The following CREB3L2 variants were observed in gnomAD, a reference collection of about 807,000 sequenced individuals.
CREB3L2 encodes the protein cyclic AMP-responsive element-binding protein 3-like protein 2.
Under a neutral mutation model 57.2 loss-of-function variants are expected in CREB3L2, and 23 were observed. The observed-to-expected ratio is 0.40, with a 90% CI of 0.29 to 0.57. The LOEUF is 0.57. CREB3L2 is among the 20% of genes least tolerant of loss of function. The pLI is 0.42. For synonymous variants in CREB3L2, 268 were observed against 265.1 expected, an observed-to-expected ratio of 1.01 and a Z score of -0.11; for missense variants, 628 against 634.7, an observed-to-expected ratio of 0.99 and a Z score of 0.11.
At chr7:137,956,912 A>G (rs961525356) in intron 1 of CREB3L2, among the ~76,000 whole-genome samples, 2 of 152,240 alleles carry the variant, frequency 1.3e-5, no homozygotes, top group Admixed American at 6.5e-5. Flanking sequence ...CCAGTAGTGA[A>G]GAGCTACTTT....
chr7:137,955,163 T>G, intron 1 of CREB3L2: 1 of 578,832 alleles, frequency 1.7e-6, no homozygotes, highest in South Asian at 1.5e-5. Context: ...TGGTTACAGA[T>G]ACGCTACTAC....
At chr7:137,937,123 T>C (rs1054033167) in intron 1 of CREB3L2, among the ~76,000 whole-genome samples, 6 of 152,182 alleles carry the variant, frequency 3.9e-5, no homozygotes, top group Non-Finnish European at 8.8e-5. Flanking sequence ...AGCCAGTCTC[T>C]GGCTGAAAAG....
chr7:137,912,214 T>C (rs555613694), intron 4 of CREB3L2, among the ~76,000 whole-genome samples: 1 of 151,920 alleles, frequency 6.6e-6, no homozygotes, highest in Admixed American at 6.5e-5. Flanking sequence ...TCGTCTCTAC[T>C]AAAAATACCA....
intron 4 of CREB3L2, among the ~76,000 whole-genome samples, chr7:137,911,637 A>G (rs184643187): frequency 6.6e-6 from 1 of 152,340 alleles, no homozygotes; most frequent in African/African-American, 2.4e-5. Context: ...CAGGAGTTTC[A>G]GACCAGCCTG....
At chr7:137,913,197 A>G in intron 3 of CREB3L2, 119 bp from the exon 4 acceptor site, 3 of 1,015,698 alleles carry the variant, frequency 3.0e-6, no homozygotes, top group Middle Eastern at 2.1e-4. Flanking sequence ...ATCCTGGAGA[A>G]TAGCTGAGTG....
chr7:137,998,716 A>G (rs548248528), intron 1 of CREB3L2, among the ~76,000 whole-genome samples: 2 of 152,380 alleles, frequency 1.3e-5, no homozygotes, highest in South Asian at 4.1e-4. Flanking sequence ...TTTGTAAAGC[A>G]CTAGACACAA....
At chr7:137,939,963 G>A (rs533253250) in intron 1 of CREB3L2, among the ~76,000 whole-genome samples, 1 of 152,204 alleles carries the variant, frequency 6.6e-6, no homozygotes, top group Non-Finnish European at 1.5e-5. Context: ...CACAGTGAGA[G>A]TTAAAGTAGA....
intron 2 of CREB3L2, among the ~76,000 whole-genome samples, chr7:137,924,793 A>C (rs547447155): frequency 5.3e-5 from 8 of 152,126 alleles, no homozygotes; most frequent in Non-Finnish European, 1.0e-4. Context: ...CTGCACCTAC[A>C]TTTCTAGGGT....
rs561685678 is a variant in CREB3L2 at position 137,920,240 on chromosome 7, G to A, written c.320-4228C>T. 2.2e-3 allele frequency among the ~76,000 whole-genome samples: 335 copies of A among 152,328 alleles called. 1 individual carries two copies. Among genetic ancestry groups the A allele is most frequent in the Non-Finnish European group, 3.7e-3 (252 of 68,038 alleles). On this transcript the variant is annotated intron_variant, in intron 2 of 11. Coordinates refer to ENST00000330387, the MANE Select transcript of CREB3L2 (RefSeq NM_194071.4). ...CTGTGGCTTGATGTACCATTGGTAT[G>A]TGAGCTTTTTAATACAAGCGGAGTT...
chr7:137,994,547 T>G (rs538049905), intron 1 of CREB3L2, among the ~76,000 whole-genome samples: 1 of 152,198 alleles, frequency 6.6e-6, no homozygotes, highest in African/African-American at 2.4e-5. Flanking sequence ...AATCTCCTCC[T>G]GGCTCCCACC....
In CREB3L2 at chr7:137,879,037, A is replaced by C. The variant is rs538389056; in HGVS notation, c.*1439T>G. On this transcript the variant is annotated 3_prime_UTR_variant, in exon 12 of 12. Transcript: ENST00000330387. Reference sequence around the variant, plus strand: ...TACAAACTCTATGCACATTTCCTACACAAAATCTTTCCCAAGCTCGGAAAA... The same window carrying C: ...TACAAACTCTATGCACATTTCCTACCCAAAATCTTTCCCAAGCTCGGAAAA... 9.6e-4 allele frequency: 418 copies of C among 436,824 alleles called. 4 individuals are homozygous for C. Among genetic ancestry groups the C allele is most frequent in the South Asian group, 8.4e-3 (396 of 46,958 alleles). 27.1% of individuals were successfully genotyped at this position (436,824 alleles called of 1,614,324 possible).
At position 137,915,931 on chromosome 7, in the gene CREB3L2, G is replaced by C. The variant is rs773783650; in HGVS notation, c.401C>G (p.Pro134Arg). 7 of 1,614,070 alleles carry C rather than the reference G, an allele frequency of 4.3e-6. No individual in the cohort carries two copies. The East Asian group carries it at 8.9e-5, about 21-fold the overall frequency. Residue 134 changes from proline (P) to arginine (R), a missense_variant, in exon 3 of 12, where the codon CCA becomes CGA. Pro to Arg is a moderately radical substitution (Grantham distance 103). Coordinates refer to ENST00000330387, the MANE Select transcript of CREB3L2 (RefSeq NM_194071.4). ...GACAGACGGAACGAGTCCTGGGGGT[G>C]GTTCGTCTGTAACTGGCTCTGTCTT... is the stretch of plus-strand genomic sequence containing the variant. ...SIKTEPVTDE[P>R]PPGLVPSVTL...
chr7:137,970,428 G>A (rs1801487112), intron 1 of CREB3L2, among the ~76,000 whole-genome samples: 2 of 152,158 alleles, frequency 1.3e-5, no homozygotes, highest in South Asian at 2.1e-4. Context: ...TCCAGACATC[G>A]TATCTTTTAA....
chr7:137,953,565 T>C (rs59321723), intron 1 of CREB3L2: 48,752 of 1,236,580 alleles, frequency 0.039, 1,826 homozygotes, highest in African/African-American at 0.18. Flanking sequence ...GGGTGGGTGA[T>C]GACGGTCTCA....
intron 2 of CREB3L2, among the ~76,000 whole-genome samples, chr7:137,922,415 T>TATATATATATATATAC (rs1491237233): frequency 2.2e-4 from 5 of 23,158 alleles, no homozygotes; most frequent in African/African-American, 6.8e-4. Context: ...TATATATATA[T>TATATATATATATATAC]GTATATATAT....
chr7:137,965,099 A>T (rs1801388203), intron 1 of CREB3L2, among the ~76,000 whole-genome samples: 1 of 152,180 alleles, frequency 6.6e-6, no homozygotes, highest in Non-Finnish European at 1.5e-5. Context: ...TACTACAGAG[A>T]TTGTCCAACC....
chr7:137,929,166 C>T (rs1256587455), intron 1 of CREB3L2, among the ~76,000 whole-genome samples: 1 of 152,138 alleles, frequency 6.6e-6, no homozygotes, highest in Non-Finnish European at 1.5e-5. Flanking sequence ...TTCCAGCCCC[C>T]ACCATGCTTT....
chr7:137,885,178 GA>G lies in CREB3L2; in HGVS notation c.1144-58del, dbSNP rs1280725052. 6 of 1,592,484 alleles carry G rather than the reference GA, an allele frequency of 3.8e-6. No homozygotes were observed. In the Admixed American group the frequency reaches 1.0e-4, roughly 27 times the overall value. On this transcript the variant is annotated intron_variant, in intron 9 of 11. Coordinates refer to ENST00000330387, the MANE Select transcript of CREB3L2 (RefSeq NM_194071.4). Reference sequence around the variant, plus strand: ...GAGGGGCTGTGGACTTCAGCCTCTGGACAGCACAGCTTTATACCCAGGGACA... The same window carrying G: ...GAGGGGCTGTGGACTTCAGCCTCTGGCAGCACAGCTTTATACCCAGGGACA...
At chr7:137,931,679 A>C (rs1378117823) in intron 1 of CREB3L2, among the ~76,000 whole-genome samples, 2 of 151,688 alleles carry the variant, frequency 1.3e-5, no homozygotes, top group Non-Finnish European at 2.9e-5. Context: ...TAAAAATACA[A>C]AACTTAGCTG....
Sources: gnomAD v4.1 joint callset for allele counts (sites outside exome capture counted in the v4.1 genomes callset) on GRCh38, gnomAD v4.1.1 for gene constraint, MANE v1.5 for transcripts, NCBI Gene and HGNC (gene_info 2026-07-23, HGNC 2026-07-21) for gene names.